The following LRRC3B variants were observed in gnomAD, a reference collection of about 807,000 sequenced individuals.
The protein encoded by LRRC3B is leucine-rich repeat-containing protein 3B.
In LRRC3B, 2 loss-of-function variants were observed where a neutral mutation model predicts 12.8. The observed-to-expected ratio is 0.16, with a 90% CI of 0.06 to 0.49. The LOEUF (loss-of-function observed/expected upper bound fraction) is 0.49. LRRC3B is among the 20% of genes least tolerant of loss of function. LRRC3B has a pLI of 0.96. For synonymous variants in LRRC3B, 132 were observed against 122.0 expected, an observed-to-expected ratio of 1.08 and a Z score of -0.54; for missense variants, 189 against 319.4, an observed-to-expected ratio of 0.59 and a Z score of 3.11.
In LRRC3B at chr3:26,687,936, A is replaced by G. The variant is rs141201556; in HGVS notation, c.-160-21577A>G. ...AGCAGCCACTGGACAGAACCACCAA[A>G]CAAGGAGATGCTTCACAAGTAGCCT... On this transcript the variant is annotated intron_variant, in intron 1 of 1. Transcript: ENST00000396641. Among the ~76,000 whole-genome samples, 742 of 152,258 alleles carry G rather than the reference A, an allele frequency of 4.9e-3. 6 individuals carry two copies. Among genetic ancestry groups the G allele is most frequent in the African/African-American group, 0.017 (710 of 41,548 alleles).
chr3:26,700,905 G>A (rs1034457729), intron 1 of LRRC3B, among the ~76,000 whole-genome samples: 2 of 152,072 alleles, frequency 1.3e-5, no homozygotes, highest in African/African-American at 4.8e-5. Context: ...CCTTTTAGGG[G>A]CTTTGTGAGA....
rs80098273 is a variant in LRRC3B at position 26,704,117 on chromosome 3, G to C, written c.-160-5396G>C. Among the ~76,000 whole-genome samples the C allele has an allele frequency of 3.2e-3, 485 of 152,094 alleles. 3 individuals are homozygous for C. The highest frequency in any genetic ancestry group is 0.011 in the African/African-American group (469 of 41,474). On this transcript the variant is annotated intron_variant, in intron 1 of 1. Coordinates refer to ENST00000396641, the Ensembl canonical transcript of LRRC3B. ...TAGTTTCTGATATACCCTTTTGGAAGTGATCTATGCATATGTAAACATATT... is the reference window on the plus strand; with the variant it reads ...TAGTTTCTGATATACCCTTTTGGAACTGATCTATGCATATGTAAACATATT...
intron 1 of LRRC3B, among the ~76,000 whole-genome samples, chr3:26,702,064 A>ATGTT (rs890269483): frequency 1.3e-5 from 2 of 152,174 alleles, no homozygotes; most frequent in African/African-American, 4.8e-5. Flanking sequence ...CAATAAATAA[A>ATGTT]TGTTTATTAA....
intron 1 of LRRC3B, among the ~76,000 whole-genome samples, chr3:26,645,330 T>C (rs904489821): frequency 6.6e-6 from 1 of 152,100 alleles, no homozygotes; most frequent in South Asian, 2.1e-4. Flanking sequence ...ACAGACAAGA[T>C]TCCCTCCACA....
chr3:26,685,773 A>AGT (rs1700075595), intron 1 of LRRC3B, among the ~76,000 whole-genome samples: 3 of 151,998 alleles, frequency 2.0e-5, no homozygotes, highest in African/African-American at 7.2e-5. Context: ...TCACTGAGCA[A>AGT]GTTGCCTGCT....
chr3:26,630,476 A>G (rs764563092), intron 1 of LRRC3B, among the ~76,000 whole-genome samples: 1 of 26,714 alleles, frequency 3.7e-5, no homozygotes, highest in Non-Finnish European at 6.9e-5. Flanking sequence ...TGCCTCTTAC[A>G]TAATAATGCC....
At chr3:26,649,451 A>T (rs1559354726) in intron 1 of LRRC3B, among the ~76,000 whole-genome samples, 1 of 137,748 alleles carries the variant, frequency 7.3e-6, no homozygotes, top group Non-Finnish European at 1.6e-5. Context: ...GAACACTTCT[A>T]GATCCCAACT....
chr3:26,639,400 T>C (rs569699939), intron 1 of LRRC3B, among the ~76,000 whole-genome samples: 1 of 152,212 alleles, frequency 6.6e-6, no homozygotes, highest in Admixed American at 6.5e-5. Context: ...TGATAAAATT[T>C]ACAGTTGAAA....
intron 1 of LRRC3B, among the ~76,000 whole-genome samples, chr3:26,673,215 TA>T (rs1336412237): frequency 6.6e-6 from 1 of 152,162 alleles, no homozygotes; most frequent in African/African-American, 2.4e-5. Context: ...AGTCATTCTT[TA>T]AAAAAAATCA....
chr3:26,683,976 T>A (rs1012708290), intron 1 of LRRC3B, among the ~76,000 whole-genome samples: 1 of 152,224 alleles, frequency 6.6e-6, no homozygotes, highest in African/African-American at 2.4e-5. Context: ...TCCACAGGAC[T>A]TGTTTCTCTC....
intron 1 of LRRC3B, among the ~76,000 whole-genome samples, chr3:26,674,875 A>G (rs1008739367): frequency 7.9e-5 from 12 of 152,128 alleles, no homozygotes; most frequent in Non-Finnish European, 1.5e-5. Flanking sequence ...AGTGTAGACC[A>G]GGGCCTGTCT....
At chr3:26,710,538 A>AAAC in exon 2 of LRRC3B, 1 of 1,306,498 alleles carries the variant, frequency 7.7e-7, no homozygotes, top group South Asian at 1.6e-5. Flanking sequence ...CATCCATTGT[A>AAAC]AACATTTGAA....
intron 1 of LRRC3B, among the ~76,000 whole-genome samples, chr3:26,686,508 C>T (rs1700092146): frequency 6.6e-6 from 1 of 152,126 alleles, no homozygotes; most frequent in Admixed American, 6.5e-5. Flanking sequence ...TTTTTCTCTC[C>T]TGCATCCCCC....
intron 1 of LRRC3B, among the ~76,000 whole-genome samples, chr3:26,633,518 T>G (rs2125401931): frequency 6.6e-6 from 1 of 152,314 alleles, no homozygotes; most frequent in African/African-American, 2.4e-5. Flanking sequence ...AACAGGTTTG[T>G]AAAACAAGCA....
intron 1 of LRRC3B, among the ~76,000 whole-genome samples, chr3:26,665,192 G>A (rs973444080): frequency 1.3e-5 from 2 of 152,056 alleles, no homozygotes; most frequent in South Asian, 2.1e-4. Flanking sequence ...ACTGGGCCCT[G>A]ACTAAATGCC....
rs562997263 is a variant in LRRC3B, at chr3:26,631,256, T to C, written c.-161+8019T>C. On this transcript the variant is annotated intron_variant, in intron 1 of 1. Coordinates refer to ENST00000396641, the Ensembl canonical transcript of LRRC3B. ...CAGTGGCCCCCTTGGCTAGGTTCAC[T>C]GTAGCCTTGGCCAATATCACCTGAA... Among the ~76,000 whole-genome samples, 7 of 152,370 alleles carry C rather than the reference T, an allele frequency of 4.6e-5. No individual in the cohort carries two copies. The South Asian group carries it at 6.2e-4, about 14-fold the overall frequency.
chr3:26,645,567 T>C (rs191011994), intron 1 of LRRC3B, among the ~76,000 whole-genome samples: 87 of 152,052 alleles, frequency 5.7e-4, no homozygotes, highest in African/African-American at 2.1e-3. Context: ...TATATATAGA[T>C]ATATACACAT....
intron 1 of LRRC3B, among the ~76,000 whole-genome samples, chr3:26,638,939 G>A (rs763121739): frequency 6.1e-4 from 93 of 152,312 alleles, no homozygotes; most frequent in Non-Finnish European, 1.2e-3. Flanking sequence ...CAGCTACCCT[G>A]AAGGTTGCTT....
exon 2 of LRRC3B, chr3:26,709,648 C>A: frequency 6.2e-7 from 1 of 1,604,338 alleles, no homozygotes; most frequent in Non-Finnish European, 8.5e-7. Context: ...GAGGAATGGG[C>A]TCGTGATTAT....
Sources: gnomAD v4.1 joint callset for allele counts (sites outside exome capture counted in the v4.1 genomes callset) on GRCh38, gnomAD v4.1.1 for gene constraint, MANE v1.5 for transcripts, NCBI Gene and HGNC (gene_info 2026-07-23, HGNC 2026-07-21) for gene names.